The following SMYD3 variants were observed in gnomAD, a reference collection of about 807,000 sequenced individuals.
SMYD3 encodes the protein histone-lysine N-methyltransferase SMYD3.
Under a neutral mutation model 57.7 loss-of-function variants are expected in SMYD3, and 36 were observed. That is an observed-to-expected ratio of 0.62 (90% CI 0.48 to 0.82). SMYD3 has a LOEUF of 0.82. SMYD3 is among the 40% of genes least tolerant of loss of function. SMYD3 has a pLI of 0.00. For synonymous variants in SMYD3, 211 were observed against 195.0 expected, an observed-to-expected ratio of 1.08 and a Z score of -0.68; for missense variants, 515 against 538.8, an observed-to-expected ratio of 0.96 and a Z score of 0.44.
At chr1:246,042,996 A>C (rs184674059) in intron 5 of SMYD3, among the ~76,000 whole-genome samples, 19 of 152,312 alleles carry the variant, frequency 1.2e-4, no homozygotes, top group Admixed American at 1.2e-3. Context: ...CGAGTGGCCT[A>C]ACACAATTTC....
chr1:246,168,626 C>T (rs759660083), intron 5 of SMYD3, among the ~76,000 whole-genome samples: 3 of 152,096 alleles, frequency 2.0e-5, no homozygotes, highest in Non-Finnish European at 4.4e-5. Context: ...ATTGTTATTT[C>T]TTTGAAATGA....
intron 5 of SMYD3, among the ~76,000 whole-genome samples, chr1:246,022,958 T>C (rs2059498788): frequency 6.6e-6 from 1 of 152,204 alleles, no homozygotes; most frequent in East Asian, 1.9e-4. Flanking sequence ...CAAATCAGGA[T>C]ATAGGATGCA....
At position 245,929,953 on chromosome 1, in the gene SMYD3, G is replaced by T. The variant is rs376422286; in HGVS notation, c.532-16C>A. ...TGCAGATCACCTGTAAACACAAGGGGAACCATCAGTATTACTAGAGTCACT... is the reference window on the plus strand; with the variant it reads ...TGCAGATCACCTGTAAACACAAGGGTAACCATCAGTATTACTAGAGTCACT... On this transcript the variant is annotated splice_polypyrimidine_tract_variant and intron_variant, in intron 5 of 11. Coordinates refer to ENST00000490107, the MANE Select transcript of SMYD3 (RefSeq NM_001167740.2). The T allele has an allele frequency of 6.8e-6, 11 of 1,609,224 alleles. No homozygotes were observed. The highest frequency in any genetic ancestry group is 6.7e-5 in the African/African-American group (5 of 74,882).
intron 5 of SMYD3, among the ~76,000 whole-genome samples, chr1:246,037,890 TG>T (rs1278339735): frequency 6.6e-6 from 1 of 152,234 alleles, no homozygotes; most frequent in Non-Finnish European, 1.5e-5. Flanking sequence ...GAGCAAGAGT[TG>T]GCAAACTTTT....
intron 5 of SMYD3, among the ~76,000 whole-genome samples, chr1:246,309,518 T>C (rs991071859): frequency 2.6e-5 from 4 of 152,206 alleles, no homozygotes; most frequent in African/African-American, 9.6e-5. Flanking sequence ...GGTAGAAAGT[T>C]TGAGGATTCT....
At chr1:245,968,208 C>A (rs989648515) in intron 5 of SMYD3, among the ~76,000 whole-genome samples, 2 of 132,084 alleles carry the variant, frequency 1.5e-5, no homozygotes, top group Admixed American at 8.2e-5. Flanking sequence ...TAATCCCCCC[C>A]TCAAAAATGG....
rs138005248 is a variant in SMYD3, at chr1:246,425,616, T to A, written c.165-70522A>T. On this transcript the variant is annotated intron_variant, in intron 1 of 11. Coordinates refer to ENST00000490107, the MANE Select transcript of SMYD3 (RefSeq NM_001167740.2). Reference sequence around the variant, plus strand: ...GCCCTCAGGTAAGATAACTATGAGGTAGATTCCATGTAGCTTCACAAAAGT... The same window carrying A: ...GCCCTCAGGTAAGATAACTATGAGGAAGATTCCATGTAGCTTCACAAAAGT... Among the ~76,000 whole-genome samples the A allele has an allele frequency of 7.8e-3, 1,192 of 152,204 alleles. 13 individuals carry two copies. The highest frequency in any genetic ancestry group is 0.027 in the African/African-American group (1,138 of 41,534).
chr1:246,134,688 T>C (rs2061639876), intron 5 of SMYD3, among the ~76,000 whole-genome samples: 1 of 152,006 alleles, frequency 6.6e-6, no homozygotes. Flanking sequence ...AAGCAGCATC[T>C]CTGAACAGGA....
intron 7 of SMYD3, among the ~76,000 whole-genome samples, chr1:245,924,740 G>A (rs766235170): frequency 3.5e-5 from 5 of 141,244 alleles, no homozygotes; most frequent in East Asian, 4.4e-4. Context: ...TTGGCTCACC[G>A]CAACCTGCGC....
intron 11 of SMYD3, among the ~76,000 whole-genome samples, chr1:245,755,972 C>T (rs894101666): frequency 7.0e-6 from 1 of 142,270 alleles, no homozygotes; most frequent in African/African-American, 2.5e-5. Flanking sequence ...TTTCTGTTTG[C>T]TCTCTTTTTC....
chr1:245,818,872 A>G (rs1424485898), intron 10 of SMYD3, among the ~76,000 whole-genome samples: 1 of 146,386 alleles, frequency 6.8e-6, no homozygotes, highest in African/African-American at 2.6e-5. Context: ...CATCCAATAC[A>G]GGAGCACCCA....
At chr1:246,345,276 T>C (rs2065694825) in intron 2 of SMYD3, among the ~76,000 whole-genome samples, 1 of 152,232 alleles carries the variant, frequency 6.6e-6, no homozygotes, top group African/African-American at 2.4e-5. Context: ...TCATTTATTT[T>C]CCATGTGCAT....
intron 5 of SMYD3, among the ~76,000 whole-genome samples, chr1:246,156,707 A>G (rs1329078526): frequency 2.0e-5 from 3 of 152,200 alleles, no homozygotes; most frequent in Non-Finnish European, 4.4e-5. Context: ...AATATCTACA[A>G]GGTGTTTTGG....
chr1:246,297,854 C>T (rs2064823237), intron 5 of SMYD3, among the ~76,000 whole-genome samples: 1 of 152,112 alleles, frequency 6.6e-6, no homozygotes, highest in South Asian at 2.1e-4. Flanking sequence ...ATCCTTGTCT[C>T]ATAGGACAAT....
chr1:246,161,393 G>A (rs1004972902), intron 5 of SMYD3, among the ~76,000 whole-genome samples: 1 of 152,036 alleles, frequency 6.6e-6, no homozygotes, highest in Non-Finnish European at 1.5e-5. Context: ...TCCATTTCAG[G>A]CATCCTCTCT....
At chr1:245,910,198 T>A (rs1186788805) in intron 8 of SMYD3, among the ~76,000 whole-genome samples, 2 of 152,060 alleles carry the variant, frequency 1.3e-5, no homozygotes, top group African/African-American at 4.8e-5. Context: ...GCAATCCCAT[T>A]TGCAACAGCT....
intron 5 of SMYD3, chr1:245,930,443 A>G: frequency 3.1e-6 from 1 of 318,454 alleles, no homozygotes; most frequent in Non-Finnish European, 6.0e-6. Flanking sequence ...GTTGGTGAAG[A>G]CCACAGGGAG....
At chr1:245,905,847 C>A (rs144726678) in intron 8 of SMYD3, among the ~76,000 whole-genome samples, 120 of 152,312 alleles carry the variant, frequency 7.9e-4, no homozygotes, top group Middle Eastern at 3.4e-3. Context: ...AACAAATATA[C>A]ACACCTATGG....
intron 5 of SMYD3, among the ~76,000 whole-genome samples, chr1:246,182,106 A>G (rs2062561531): frequency 6.6e-6 from 1 of 152,208 alleles, no homozygotes; most frequent in South Asian, 2.1e-4. Flanking sequence ...ATTTTTAAAA[A>G]GAGAGACCAA....
Sources: allele counts gnomAD v4.1 joint callset (sites outside exome capture counted in the v4.1 genomes callset), GRCh38; gene constraint gnomAD v4.1.1; transcripts MANE v1.5; gene names NCBI Gene and HGNC (gene_info 2026-07-23, HGNC 2026-07-21).